TANC1: variants seen among roughly 807,000 people sequenced by gnomAD.
The protein encoded by TANC1 is tetratricopeptide repeat, ankyrin repeat and coiled-coil containing 1, also known as protein TANC1.
In TANC1, 77 loss-of-function variants were observed where a neutral mutation model predicts 149.7. The ratio of observed to expected loss-of-function variants is 0.51; its 90% CI spans 0.43 to 0.62. The LOEUF (loss-of-function observed/expected upper bound fraction) is 0.62, where lower values mean the gene tolerates loss of function less well. Ranked by LOEUF, TANC1 falls within the 20% of genes least tolerant of loss-of-function variation. TANC1 has a pLI of 0.00. For missense variants in TANC1, 1,985 were observed against 2,321.8 expected (o/e 0.85, Z 2.98); for synonymous variants, 854 against 925.0 (o/e 0.92, Z 1.39).
In TANC1 at chr2:159,178,545, T is replaced by G; in HGVS notation, c.1903-11T>G. The G allele has an allele frequency of 6.5e-7, 1 of 1,541,606 alleles. No individual in the cohort carries two copies. The highest frequency in any genetic ancestry group is 8.7e-7 in the Non-Finnish European group (1 of 1,146,952). On this transcript the variant is annotated splice_polypyrimidine_tract_variant and intron_variant, in intron 13 of 26. Transcript: ENST00000263635. ...TAGAGTGACACTGTGGGTTTTTGTT[T>G]TCTCCCCCAGGAAATCATAAGTGCG... is the stretch of plus-strand genomic sequence containing the variant.
intron 5 of TANC1, among the ~76,000 whole-genome samples, chr2:159,143,095 A>C (rs1475870484): frequency 6.6e-6 from 1 of 151,418 alleles, no homozygotes; most frequent in African/African-American, 2.4e-5. Context: ...AACAAAACAA[A>C]AAAAAACAAA....
chr2:159,015,660 C>G (rs1217620523), intron 2 of TANC1, among the ~76,000 whole-genome samples: 1 of 152,182 alleles, frequency 6.6e-6, no homozygotes, highest in Admixed American at 6.5e-5. Flanking sequence ...ACCCAGGTAA[C>G]CTTTTGAATG....
At chr2:158,987,685 T>G (rs1559103673) in intron 1 of TANC1, among the ~76,000 whole-genome samples, 1 of 152,172 alleles carries the variant, frequency 6.6e-6, no homozygotes, top group Non-Finnish European at 1.5e-5. Context: ...CCAGACAGAC[T>G]GGGATAAGGT....
chr2:159,181,127 C>G lies in TANC1; in HGVS notation c.2510+1964C>G, dbSNP rs948029214. Among the ~76,000 whole-genome samples the G allele has an allele frequency of 2.6e-5, 4 of 152,072 alleles. No homozygotes were observed. The East Asian group carries it at 7.7e-4, about 29-fold the overall frequency. On this transcript the variant is annotated intron_variant, in intron 14 of 26. Transcript: ENST00000263635. ...TTTCTGTAGCATTTTAAATGATATA[C>G]CAATCTTCTTTTTCTCTTGGAATTC...
chr2:159,131,766 G>A (rs1219004172), intron 4 of TANC1, among the ~76,000 whole-genome samples: 1 of 152,138 alleles, frequency 6.6e-6, no homozygotes, highest in Non-Finnish European at 1.5e-5. Flanking sequence ...TGATTGTGGG[G>A]GACAATAAAA....
chr2:159,036,585 C>T (rs561409306), intron 2 of TANC1, among the ~76,000 whole-genome samples: 8 of 152,146 alleles, frequency 5.3e-5, no homozygotes, highest in South Asian at 2.1e-4. Flanking sequence ...GTTCAATTCC[C>T]GCCTATGAGT....
At chr2:159,050,974 T>A (rs2041422103) in intron 2 of TANC1, among the ~76,000 whole-genome samples, 1 of 152,228 alleles carries the variant, frequency 6.6e-6, no homozygotes, top group Non-Finnish European at 1.5e-5. Flanking sequence ...TCAGATATTT[T>A]AAAAATTATT....
chr2:159,061,672 C>G (rs1056017486), intron 2 of TANC1, among the ~76,000 whole-genome samples: 4 of 152,174 alleles, frequency 2.6e-5, no homozygotes, highest in African/African-American at 9.7e-5. Context: ...ATGCCTTTCT[C>G]TTGTTAATCT....
At chr2:159,168,494 G>A (rs2054845841) in intron 8 of TANC1, among the ~76,000 whole-genome samples, 1 of 151,690 alleles carries the variant, frequency 6.6e-6, no homozygotes, top group African/African-American at 2.4e-5. Flanking sequence ...TAGAAATGGG[G>A]TTTCACCATG....
chr2:159,227,526 GATTC>G (rs1406456063), intron 24 of TANC1: 2 of 369,504 alleles, frequency 5.4e-6, no homozygotes, highest in African/African-American at 4.2e-5. Flanking sequence ...AAGGTAATCT[GATTC>G]ATTAAGTTTG....
rs188966802 is a variant in TANC1, at chr2:159,040,221, C to T, written c.-15-25675C>T. 2.8e-4 allele frequency among the ~76,000 whole-genome samples: 42 copies of T among 152,184 alleles called. No individual in the cohort carries two copies. The East Asian group carries it at 7.5e-3, about 27-fold the overall frequency. On this transcript the variant is annotated intron_variant, in intron 2 of 26. Coordinates refer to ENST00000263635, the MANE Select transcript of TANC1 (RefSeq NM_033394.3). The stretch of plus-strand genomic sequence containing the variant: ...TTTGCTTGGTAGATCTTCCTCCATC[C>T]CTTTATTTTTGAGCCTGGGGGTTGC...
In TANC1 at chr2:159,225,724, A is replaced by C. The variant is rs750657040; in HGVS notation, c.3848A>C (p.Asp1283Ala). 6.2e-7 allele frequency: 1 copy of C among 1,614,166 alleles called. No homozygotes were observed. Among genetic ancestry groups the C allele is most frequent in the Non-Finnish European group, 8.5e-7 (1 of 1,180,006 alleles). The change falls in exon 24 of 27, where the codon GAT (aspartate) becomes GCT (alanine). Residue 1283 changes from aspartate (D) to alanine (A), a missense_variant. By Grantham distance (126) the Asp-to-Ala change is moderately radical. Transcript: ENST00000263635. ...AAWAMATSKP[D>A]ILIILLQKLM... ...TGGGCGATGGCCACTTCCAAACCTG[A>C]TATCTTGATTATACTTTTACAGAAA...
chr2:159,172,392 C>A, intron 11 of TANC1, 120 bp downstream of exon 11: 5 of 895,856 alleles, frequency 5.6e-6, no homozygotes, highest in Non-Finnish European at 8.4e-6. Flanking sequence ...TAAAGTATAG[C>A]TTTTAATGAA....
At position 159,196,051 on chromosome 2, in the gene TANC1, T is replaced by C. The variant is rs118181648; in HGVS notation, c.2980-557T>C. On this transcript the variant is annotated intron_variant, in intron 17 of 26. Transcript: ENST00000263635. Reference sequence around the variant, plus strand: ...GCCCTGACTTTGTGGCCGCCCCCCCTTTACTTGCCAGCATGCCCAGGCCAC... The same window carrying C: ...GCCCTGACTTTGTGGCCGCCCCCCCCTTACTTGCCAGCATGCCCAGGCCAC... 6.4e-3 allele frequency among the ~76,000 whole-genome samples: 971 copies of C among 152,234 alleles called. 28 individuals carry two copies. The highest frequency in any genetic ancestry group is 0.055 in the East Asian group (283 of 5,182).
intron 3 of TANC1, among the ~76,000 whole-genome samples, chr2:159,087,003 G>A (rs11888828): frequency 0.096 from 14,630 of 151,834 alleles, 735 homozygotes; most frequent in Non-Finnish European, 0.11. Flanking sequence ...GGGGTAAAGA[G>A]AGCTTTCCTT....
rs779737032 is a variant in TANC1, at chr2:159,014,961, G to A, written c.-16+13772G>A. On this transcript the variant is annotated intron_variant, in intron 2 of 26. Coordinates refer to ENST00000263635, the MANE Select transcript of TANC1 (RefSeq NM_033394.3). ...ATGAGTGTCTGTGGATTTTCCACGC[G>A]CACAGTGCAAGCTGTTAGTGGATCT... Among the ~76,000 whole-genome samples, 30 of 152,276 alleles carry A rather than the reference G, an allele frequency of 2.0e-4. 1 individual carries two copies. The highest frequency in any genetic ancestry group is 5.3e-4 in the African/African-American group (22 of 41,564).
intron 2 of TANC1, chr2:159,056,724 C>A: frequency 3.5e-6 from 1 of 281,694 alleles, no homozygotes; most frequent in South Asian, 4.7e-5. Flanking sequence ...AGTCTTACCA[C>A]ACATGTGCTT....
At position 159,150,245 on chromosome 2, in the gene TANC1, T is replaced by C. The variant is rs377164021; in HGVS notation, c.496-125T>C. 60 of 718,826 alleles carry C rather than the reference T, an allele frequency of 8.3e-5. No homozygotes were observed. The East Asian group carries it at 1.1e-3, about 14-fold the overall frequency. 44.5% of individuals were successfully genotyped at this position (718,826 alleles called of 1,614,324 possible). A position where few individuals can be genotyped will look rare whatever the true frequency, so the allele number is the denominator to read the frequency against. ...CCATATCTATACACACATATCTCTT[T>C]AGATTTTTTTTTTAAAACTTCCGTT... On this transcript the variant is annotated intron_variant, in intron 6 of 26. Coordinates refer to ENST00000263635, the MANE Select transcript of TANC1 (RefSeq NM_033394.3).
At chr2:159,134,114 G>C (rs1336898826) in intron 4 of TANC1, among the ~76,000 whole-genome samples, 1 of 152,168 alleles carries the variant, frequency 6.6e-6, no homozygotes, top group African/African-American at 2.4e-5. Flanking sequence ...CCCTGGGACT[G>C]TCAGGGCTAT....
Sources: allele counts gnomAD v4.1 joint callset (sites outside exome capture counted in the v4.1 genomes callset), GRCh38; gene constraint gnomAD v4.1.1; transcripts MANE v1.5; gene names NCBI Gene and HGNC (gene_info 2026-07-23, HGNC 2026-07-21).